Variants in PEF1 observed in about 807,000 individuals in gnomAD.
PEF1 encodes peflin.
PEF1 carries 17 observed loss-of-function variants against 32.0 expected under a neutral mutation model. The ratio of observed to expected loss-of-function variants is 0.53; its 90% CI spans 0.36 to 0.80. The LOEUF is 0.80. Among genes scored for constraint, PEF1 ranks in the 30% least tolerant of loss-of-function variants. The pLI is 0.00. For missense variants in PEF1, 362 were observed against 369.1 expected, an observed-to-expected ratio of 0.98 and a Z score of 0.16; for synonymous variants, 130 against 139.8, an observed-to-expected ratio of 0.93 and a Z score of 0.50.
intron 1 of PEF1, chr1:31,644,057 A>G (rs1557591066): frequency 6.6e-6 from 1 of 152,266 alleles, no homozygotes; most frequent in Non-Finnish European, 1.5e-5. Flanking sequence ...TTGGACTCAG[A>G]AAGGCAAAAC....
chr1:31,635,578 A>G (rs1357140773), intron 1 of PEF1, 56 bp from the exon 2 acceptor site: 8 of 1,458,958 alleles, frequency 5.5e-6, no homozygotes, highest in African/African-American at 1.4e-5. Flanking sequence ...TAGGCAGAGT[A>G]TGGCACTTTA....
At chr1:31,641,916 C>A (rs1640399823) in intron 1 of PEF1, among the ~76,000 whole-genome samples, 1 of 152,210 alleles carries the variant, frequency 6.6e-6, no homozygotes, top group Non-Finnish European at 1.5e-5. Flanking sequence ...GAGGTAGATA[C>A]TATTATGACC....
Position 31,633,312 on chromosome 1 carries a change from C to A in PEF1, c.328G>T (p.Gly110Cys). 6.2e-7 allele frequency: 1 copy of A among 1,610,720 alleles called. No individual in the cohort carries two copies. The highest frequency in any genetic ancestry group is 2.2e-5 in the East Asian group (1 of 44,772). ...TCAGGATCCACATTGGGAGGGGCGC[C>A]ACCTGGAGGAAGGGGTGTGAAGGCC... Reference protein sequence around the residue: ...AQQPGLYGQGGAPPNVDPEAY... With the variant: ...AQQPGLYGQGCAPPNVDPEAY... The change falls in exon 3 of 5, where the codon GGC becomes TGC. Residue 110 changes from glycine (G) to cysteine (C), a missense_variant and splice_region_variant. Coordinates refer to ENST00000373703, the MANE Select transcript of PEF1 (RefSeq NM_012392.4).
At position 31,630,446 on chromosome 1, in the gene PEF1, G is replaced by T. The variant is rs1640062929; in HGVS notation, c.*167C>A. ...CCTCAGCCCCGGTCCTCACTATTTG[G>T]TGGCTATGATGCAGGACTCTCCACC... On this transcript the variant is annotated 3_prime_UTR_variant, in exon 5 of 5. Coordinates refer to ENST00000373703, the MANE Select transcript of PEF1 (RefSeq NM_012392.4). 1.4e-6 allele frequency: 1 copy of T among 706,426 alleles called. No individual in the cohort carries two copies. 43.8% of individuals were successfully genotyped at this position (706,426 alleles called of 1,614,324 possible).
At chr1:31,631,080 T>C (rs1359903961) in intron 4 of PEF1, among the ~76,000 whole-genome samples, 1 of 152,204 alleles carries the variant, frequency 6.6e-6, no homozygotes, top group Non-Finnish European at 1.5e-5. Flanking sequence ...TCTCCATTAT[T>C]GTCTCTTCAA....
In PEF1 at chr1:31,631,300, T is replaced by C. The variant is rs117486625; in HGVS notation, c.626-458A>G. Among the ~76,000 whole-genome samples, 116 of 152,282 alleles carry C rather than the reference T, an allele frequency of 7.6e-4. 2 individuals are homozygous for C. In the East Asian group the frequency reaches 0.022, roughly 29 times the overall value. On this transcript the variant is annotated intron_variant, in intron 4 of 4. Coordinates refer to ENST00000373703, the MANE Select transcript of PEF1 (RefSeq NM_012392.4). ...TATCCCTATCTTATCATCTCTAAAA[T>C]GGGGATAATACTTAACTTGTAGGTT...
Position 31,632,492 on chromosome 1 carries a change from C to T in PEF1, c.625+3G>A, listed in dbSNP as rs1640135852. On this transcript the variant is annotated splice_donor_region_variant and intron_variant, in intron 4 of 4. Transcript: ENST00000373703. ...CCCATCGTGCCCCGGCCATGACCCG[C>T]ACCTTGCTGCAGCTCTGTGTAGCTA... 6.2e-7 allele frequency: 1 copy of T among 1,614,126 alleles called. No homozygotes were observed. The highest frequency in any genetic ancestry group is 1.1e-5 in the South Asian group (1 of 91,094).
In PEF1 at chr1:31,635,209, G is replaced by C. The variant is rs939859189; in HGVS notation, c.325+13C>G. On this transcript the variant is annotated intron_variant, in intron 2 of 4. Coordinates refer to ENST00000373703, the MANE Select transcript of PEF1 (RefSeq NM_012392.4). ...CACGTCAGAGGTACCCGGAGTCCAA[G>C]ATTACTACTTACCCTGTCCATAAAG... is the stretch of plus-strand genomic sequence containing the variant. 1.1e-5 allele frequency: 17 copies of C among 1,612,920 alleles called. No homozygotes were observed. The highest frequency in any genetic ancestry group is 1.4e-5 in the Non-Finnish European group (16 of 1,179,538).
At chr1:31,632,670 G>A (rs1640142837) in intron 3 of PEF1, 32 bp from the exon 4 acceptor site, 8 of 1,608,810 alleles carry the variant, frequency 5.0e-6, no homozygotes, top group Non-Finnish European at 6.8e-6. Context: ...AGGGGAGGAA[G>A]GCTTCAAGAC....
intron 1 of PEF1, chr1:31,644,478 G>T: frequency 8.3e-7 from 1 of 1,208,992 alleles, no homozygotes; most frequent in Non-Finnish European, 1.0e-6. Context: ...AAATGAGATC[G>T]GCGGAACCAG....
Position 31,632,545 on chromosome 1 carries a change from TG to T in PEF1, c.574del (p.Gln192SerfsTer26). 6.2e-7 allele frequency: 1 copy of T among 1,614,266 alleles called. No homozygotes were observed. Among genetic ancestry groups the T allele is most frequent in the Non-Finnish European group, 8.5e-7 (1 of 1,180,054 alleles). Reference protein sequence around the residue: ...FIQQWKNLFQQYDRDRSGSIS... With the variant: ...FIQQWKNLFQXYDRDRSGSIS... ...GGAGCCCGAGCGGTCCCGGTCATAC[TG>T]CTGGAAGAGGTTCTTCCACTGCTGG... On this transcript the variant is annotated frameshift_variant, in exon 4 of 5. Transcript: ENST00000373703. LOFTEE classifies it high-confidence loss of function.
At position 31,630,533 on chromosome 1, in the gene PEF1, A is replaced by T. The variant is rs1321727698; in HGVS notation, c.*80T>A. On this transcript the variant is annotated 3_prime_UTR_variant, in exon 5 of 5. Coordinates refer to ENST00000373703, the MANE Select transcript of PEF1 (RefSeq NM_012392.4). Reference sequence around the variant, plus strand: ...TGTTCTTCTAGAGGGACAGGAAAAGAAGAGATGTCCACATACTTCTCTCAC... The same window carrying T: ...TGTTCTTCTAGAGGGACAGGAAAAGTAGAGATGTCCACATACTTCTCTCAC... The T allele has an allele frequency of 7.6e-7, 1 of 1,318,160 alleles. No homozygotes were observed. The highest frequency in any genetic ancestry group is 1.1e-6 in the Non-Finnish European group (1 of 930,534). 81.7% of individuals were successfully genotyped at this position (1,318,160 alleles called of 1,614,324 possible).
intron 1 of PEF1, among the ~76,000 whole-genome samples, chr1:31,642,138 C>T (rs1205026545): frequency 6.6e-6 from 1 of 152,214 alleles, no homozygotes; most frequent in Non-Finnish European, 1.5e-5. Flanking sequence ...GAGGCTGAGG[C>T]AGGAGAACTG....
chr1:31,630,725 G>C lies in PEF1; in HGVS notation c.743C>G (p.Thr248Ser). The stretch of plus-strand genomic sequence containing the variant: ...GGCCTCTGTCAGCACCTGCAGCTGG[G>C]TGCACACCTGGATGAAGCGGTCAAG... ...MQLDRFIQVCTQLQVLTEAFR... is the reference protein window; with the variant it reads ...MQLDRFIQVCSQLQVLTEAFR... Residue 248 changes from threonine (T) to serine (S), a missense_variant, in exon 5 of 5, where the codon ACC becomes AGC. Coordinates refer to ENST00000373703, the MANE Select transcript of PEF1 (RefSeq NM_012392.4). 1 of 1,614,156 alleles carries C rather than the reference G, an allele frequency of 6.2e-7. No individual in the cohort carries two copies.
intron 1 of PEF1, among the ~76,000 whole-genome samples, chr1:31,636,369 A>G (rs1423967007): frequency 6.6e-6 from 1 of 152,154 alleles, no homozygotes; most frequent in Non-Finnish European, 1.5e-5. Context: ...CCAATGACTC[A>G]GGAGGCTAAG....
At chr1:31,635,705 C>T (rs1640237962) in intron 1 of PEF1, among the ~76,000 whole-genome samples, 183 bp from the exon 2 acceptor site, 1 of 152,134 alleles carries the variant, frequency 6.6e-6, no homozygotes, top group Admixed American at 6.5e-5. Flanking sequence ...ACGAGTTACC[C>T]AAAGTCACCC....
chr1:31,640,332 C>T (rs1640362914), intron 1 of PEF1, among the ~76,000 whole-genome samples: 1 of 152,180 alleles, frequency 6.6e-6, no homozygotes, highest in African/African-American at 2.4e-5. Context: ...GATCATGCAG[C>T]TAGAATGGGC....
At chr1:31,639,834 C>G (rs368647593) in intron 1 of PEF1, among the ~76,000 whole-genome samples, 1 of 152,338 alleles carries the variant, frequency 6.6e-6, no homozygotes, top group South Asian at 2.1e-4. Flanking sequence ...GTGGAGCCAA[C>G]TGAGACAGAA....
At position 31,633,152 on chromosome 1, in the gene PEF1, G is replaced by C; in HGVS notation, c.481+7C>G. On this transcript the variant is annotated splice_region_variant and intron_variant, in intron 3 of 4. Coordinates refer to ENST00000373703, the MANE Select transcript of PEF1 (RefSeq NM_012392.4). Reference sequence around the variant, plus strand: ...AGCTCAGGCCCAAGGGCAAGGCGGAGACTCACTTATCATCATGAGGCAGGT... The same window carrying C: ...AGCTCAGGCCCAAGGGCAAGGCGGACACTCACTTATCATCATGAGGCAGGT... 6.2e-7 allele frequency: 1 copy of C among 1,612,120 alleles called. No homozygotes were observed. The highest frequency in any genetic ancestry group is 8.5e-7 in the Non-Finnish European group (1 of 1,178,832).
Sources: allele counts gnomAD v4.1 joint callset (sites outside exome capture counted in the v4.1 genomes callset), GRCh38; gene constraint gnomAD v4.1.1; transcripts MANE v1.5; gene names NCBI Gene and HGNC (gene_info 2026-07-23, HGNC 2026-07-21).